Variants in ARHGAP8 observed in about 807,000 individuals in gnomAD.
The protein encoded by ARHGAP8 is rho GTPase-activating protein 8.
Under a neutral mutation model 46.1 loss-of-function variants are expected in ARHGAP8, and 62 were observed. That is an observed-to-expected ratio of 1.34 (90% CI 1.10 to 1.66). ARHGAP8 has a LOEUF of 1.66. Ranked by LOEUF, ARHGAP8 falls within the 40% of genes most tolerant of loss-of-function variation. The pLI, the probability that ARHGAP8 is intolerant of heterozygous loss-of-function variation, is 0.00. For missense variants in ARHGAP8, 923 were observed against 568.4 expected, an observed-to-expected ratio of 1.62 and a Z score of -6.34; for synonymous variants, 375 against 243.1, an observed-to-expected ratio of 1.54 and a Z score of -5.05.
chr22:44,804,876 G>A (rs1054135175), intron 3 of ARHGAP8, among the ~76,000 whole-genome samples: 1 of 152,200 alleles, frequency 6.6e-6, no homozygotes, highest in Non-Finnish European at 1.5e-5. Context: ...GACCTGGCGG[G>A]GAGCAGGTGC....
chr22:44,795,053 AAC>A (rs1555912136), intron 2 of ARHGAP8, among the ~76,000 whole-genome samples: 125 of 150,710 alleles, frequency 8.3e-4, no homozygotes, highest in African/African-American at 2.8e-3. Flanking sequence ...AAAAAAAAAA[AAC>A]AAAAAACGAA....
intron 7 of ARHGAP8, among the ~76,000 whole-genome samples, chr22:44,844,907 T>C (rs971847774): frequency 3.9e-5 from 6 of 152,210 alleles, no homozygotes; most frequent in African/African-American, 1.4e-4. Flanking sequence ...CTCATACCAC[T>C]GGGACTTCCC....
At chr22:44,773,951 G>T (rs927362349) in intron 1 of ARHGAP8, among the ~76,000 whole-genome samples, 1 of 152,192 alleles carries the variant, frequency 6.6e-6, no homozygotes, top group African/African-American at 2.4e-5. Context: ...CTGCATACCA[G>T]TCACATACCA....
intron 1 of ARHGAP8, among the ~76,000 whole-genome samples, chr22:44,764,710 G>A (rs1289834709): frequency 6.6e-6 from 1 of 152,238 alleles, no homozygotes; most frequent in Non-Finnish European, 1.5e-5. Flanking sequence ...CCACTCTCTG[G>A]AATTCTGGCA....
chr22:44,837,112 C>T (rs536877858), intron 7 of ARHGAP8, among the ~76,000 whole-genome samples: 109 of 152,224 alleles, frequency 7.2e-4, no homozygotes, highest in African/African-American at 2.5e-3. Context: ...CTCGAATTCC[C>T]GACCTCAGGT....
intron 2 of ARHGAP8, chr22:44,801,848 A>G (rs1416158002): frequency 7.1e-6 from 4 of 567,120 alleles, no homozygotes; most frequent in Non-Finnish European, 1.3e-5. Context: ...CTATCTGTAA[A>G]GTGGGGGGAT....
chr22:44,813,640 TAC>T (rs960958417), intron 4 of ARHGAP8, among the ~76,000 whole-genome samples: 3 of 150,798 alleles, frequency 2.0e-5, no homozygotes, highest in South Asian at 2.1e-4. Context: ...TACACACACC[TAC>T]ACACACACCC....
At chr22:44,797,686 T>A (rs1928188890) in intron 2 of ARHGAP8, among the ~76,000 whole-genome samples, 1 of 152,142 alleles carries the variant, frequency 6.6e-6, no homozygotes, top group Non-Finnish European at 1.5e-5. Flanking sequence ...ATGCGTGGCG[T>A]AAATAAAAGA....
chr22:44,784,213 G>A (rs1927050860), intron 1 of ARHGAP8, among the ~76,000 whole-genome samples: 1 of 152,152 alleles, frequency 6.6e-6, no homozygotes, highest in South Asian at 2.1e-4. Context: ...AGACCAGTCT[G>A]GCCAACATGG....
At chr22:44,855,553 A>G (rs1240946744) in intron 10 of ARHGAP8, among the ~76,000 whole-genome samples, 1 of 152,224 alleles carries the variant, frequency 6.6e-6, no homozygotes, top group Non-Finnish European at 1.5e-5. Flanking sequence ...GTATTTCAGG[A>G]GAAGGCCCTA....
chr22:44,821,294 G>T (rs915606609), intron 5 of ARHGAP8, among the ~76,000 whole-genome samples: 3 of 152,046 alleles, frequency 2.0e-5, no homozygotes, highest in African/African-American at 7.2e-5. Context: ...GCCAGGCGTG[G>T]TGGTGTGCAC....
intron 4 of ARHGAP8, among the ~76,000 whole-genome samples, chr22:44,811,018 G>A (rs1199432596): frequency 6.6e-6 from 1 of 152,220 alleles, no homozygotes; most frequent in African/African-American, 2.4e-5. Context: ...CCCCACGTGA[G>A]AAACGAAGAT....
chr22:44,830,270 C>T (rs1930849721), intron 7 of ARHGAP8, among the ~76,000 whole-genome samples: 2 of 152,040 alleles, frequency 1.3e-5, no homozygotes, highest in South Asian at 4.1e-4. Flanking sequence ...GTGATCCACC[C>T]GCCTCAGCTT....
chr22:44,788,539 A>G (rs1189888986), intron 2 of ARHGAP8, among the ~76,000 whole-genome samples: 1 of 151,428 alleles, frequency 6.6e-6, no homozygotes, highest in Non-Finnish European at 1.5e-5. Context: ...GATTATAGGC[A>G]TATACCACCA....
intron 2 of ARHGAP8, among the ~76,000 whole-genome samples, chr22:44,797,684 C>T (rs576996131): frequency 2.1e-4 from 32 of 152,298 alleles, no homozygotes; most frequent in Admixed American, 2.0e-4. Flanking sequence ...AGATGCGTGG[C>T]GTAAATAAAA....
At chr22:44,757,141 C>A (rs989411610) in intron 1 of ARHGAP8, among the ~76,000 whole-genome samples, 2 of 152,062 alleles carry the variant, frequency 1.3e-5, no homozygotes, top group Non-Finnish European at 2.9e-5. Flanking sequence ...GTCTTGAGCT[C>A]CTGGGCTTAA....
intron 11 of ARHGAP8, among the ~76,000 whole-genome samples, chr22:44,860,654 C>G (rs528534014): frequency 1.3e-5 from 2 of 151,298 alleles, no homozygotes; most frequent in Non-Finnish European, 3.0e-5. Context: ...CCAGGCTAAG[C>G]AAATGACCAG....
chr22:44,759,934 T>G (rs1924999706), intron 1 of ARHGAP8, among the ~76,000 whole-genome samples: 1 of 152,188 alleles, frequency 6.6e-6, no homozygotes, highest in Non-Finnish European at 1.5e-5. Flanking sequence ...CAGAGATGCT[T>G]GGTGTTCCCT....
intron 1 of ARHGAP8, among the ~76,000 whole-genome samples, chr22:44,757,724 C>T (rs1924793923): frequency 6.6e-6 from 1 of 152,058 alleles, no homozygotes; most frequent in African/African-American, 2.4e-5. Flanking sequence ...CTGCAACCTC[C>T]GCCTCCTGGG....
Sources: gnomAD v4.1 joint callset for allele counts (sites outside exome capture counted in the v4.1 genomes callset) on GRCh38, gnomAD v4.1.1 for gene constraint, MANE v1.5 for transcripts, NCBI Gene and HGNC (gene_info 2026-07-23, HGNC 2026-07-21) for gene names.